The following SHISA7 variants were observed in gnomAD, a reference collection of about 807,000 sequenced individuals.
The protein encoded by SHISA7 is shisa family member 7, also known as protein shisa-7.
A neutral mutation model predicts 23.9 loss-of-function variants in SHISA7; 6 were observed. That is an observed-to-expected ratio of 0.25 (90% CI 0.14 to 0.50). SHISA7 has a LOEUF of 0.50. Among genes scored for constraint, SHISA7 ranks in the 20% least tolerant of loss-of-function variants. SHISA7 has a pLI of 0.98. For missense variants in SHISA7, 671 were observed against 801.1 expected, an observed-to-expected ratio of 0.84 and a Z score of 1.96; for synonymous variants, 386 against 398.3, an observed-to-expected ratio of 0.97 and a Z score of 0.37.
Position 55,433,331 on chromosome 19 carries a change from G to A in SHISA7, c.1442C>T (p.Ala481Val), listed in dbSNP as rs1985258270. ...PSSLHAHHHH[A>V]LHGSPQPAWM... Reference sequence around the variant, plus strand: ...GGCCGGCTGCGGCGAGCCGTGCAGGGCGTGGTGGTGGTGGGCGTGCAGGCT... The same window carrying A: ...GGCCGGCTGCGGCGAGCCGTGCAGGACGTGGTGGTGGTGGGCGTGCAGGCT... Residue 481 changes from alanine to valine, a missense_variant, in exon 4 of 4, where the codon GCC (alanine) becomes GTC (valine). Ala to Val is a moderately conservative substitution (Grantham distance 64). This residue lies in a region of SHISA7 where 457 missense variants were observed against 488.3 expected (regional missense o/e 0.94). Coordinates refer to ENST00000376325, the MANE Select transcript of SHISA7 (RefSeq NM_001145176.2). This position sits in a 1 kb window ranked among gnomAD's most constrained non-coding sequence, Gnocchi z 8.4. 1 of 1,437,078 alleles carries A rather than the reference G, an allele frequency of 7.0e-7. No individual in the cohort carries two copies. Among genetic ancestry groups the A allele is most frequent in the Non-Finnish European group, 9.0e-7 (1 of 1,106,080 alleles). The allele number at this position is 1,437,078 out of a possible 1,614,324, so 89.0% of individuals were successfully genotyped here.
intron 3 of SHISA7, among the ~76,000 whole-genome samples, chr19:55,434,841 G>GTGTGTGTGCGTGTGTGTATATGTGC (rs1985368769): frequency 9.6e-6 from 1 of 103,754 alleles, no homozygotes; most frequent in African/African-American, 4.1e-5. Context: ...GGTGTGTGGT[G>GTGTGTGTGCGTGTGTGTATATGTGC]TGTGTGTGCG....
intron 2 of SHISA7, among the ~76,000 whole-genome samples, chr19:55,438,941 T>C (rs1315429931): frequency 6.6e-6 from 1 of 152,050 alleles, no homozygotes; most frequent in African/African-American, 2.4e-5. Context: ...CTCCCACTCA[T>C]GTCCACTTGG....
At position 55,440,501 on chromosome 19, in the gene SHISA7, T is replaced by C. The variant is rs1049777760; in HGVS notation, c.826+110A>G. 4.5e-5 allele frequency: 47 copies of C among 1,042,414 alleles called. No homozygotes were observed. In the African/African-American group the frequency reaches 6.4e-4, roughly 14 times the overall value. The allele number at this position is 1,042,414 out of a possible 1,614,324, so 64.6% of individuals were successfully genotyped here. A position where few individuals can be genotyped will look rare whatever the true frequency, so the allele number is the denominator to read the frequency against. On this transcript the variant is annotated intron_variant, in intron 2 of 3. Transcript: ENST00000376325. ...GGCAGTGCAAGGCGGGCGTAGGGGG[T>C]GAGGGCGGGTCCTGGGCGATGGGGG...
At position 55,442,186 on chromosome 19, in the gene SHISA7, C is replaced by T; in HGVS notation, c.671+7G>A. 6.5e-7 allele frequency: 1 copy of T among 1,531,050 alleles called. No homozygotes were observed. The highest frequency in any genetic ancestry group is 1.4e-5 in the African/African-American group (1 of 72,610). The allele number at this position is 1,531,050 out of a possible 1,614,324, so 94.8% of individuals were successfully genotyped here. ...CTCGCAGTCCTCCCGCCCGAGAGCACACGCACCTGGGCACGTTGATATCCC... is the reference window on the plus strand; with the variant it reads ...CTCGCAGTCCTCCCGCCCGAGAGCATACGCACCTGGGCACGTTGATATCCC... On this transcript the variant is annotated splice_region_variant and intron_variant, in intron 1 of 3. Coordinates refer to ENST00000376325, the MANE Select transcript of SHISA7 (RefSeq NM_001145176.2).
chr19:55,437,667 G>A lies in SHISA7; in HGVS notation c.914C>T (p.Pro305Leu). 6.4e-7 allele frequency: 1 copy of A among 1,551,608 alleles called. No individual in the cohort carries two copies. The highest frequency in any genetic ancestry group is 1.2e-5 in the South Asian group (1 of 84,064). ...TTTCACGGCAGCCTCGTAGGACGGG[G>A]GCAGATGCGAGAGGTTGTGGAAGGA... is the stretch of plus-strand genomic sequence containing the variant. ...SRSFHNLSHL[P>L]PSYEAAVKSE... Residue 305 changes from proline to leucine, a missense_variant, in exon 3 of 4, where the codon CCC becomes CTC. Transcript: ENST00000376325.
In SHISA7 at chr19:55,433,710, G is replaced by A; in HGVS notation, c.1063C>T (p.Pro355Ser). The change falls in exon 4 of 4, where the codon CCG becomes TCG. Residue 355 changes from proline (P) to serine (S), a missense_variant. By Grantham distance (74) the Pro-to-Ser change is moderately conservative (BLOSUM62 -1). Transcript: ENST00000376325. This position sits in a 1 kb window ranked among gnomAD's most constrained non-coding sequence, Gnocchi z 8.4. Reference protein sequence around the residue: ...GTLPLHALRRPGTGGGYRMEA... With the variant: ...GTLPLHALRRSGTGGGYRMEA... The stretch of plus-strand genomic sequence containing the variant: ...ATGCGATAGCCGCCCCCCGTGCCCG[G>A]CCGCCGCAGCGCGTGCAGGGGCAGC... 6.8e-7 allele frequency: 1 copy of A among 1,477,652 alleles called. No individual in the cohort carries two copies. Among genetic ancestry groups the A allele is most frequent in the South Asian group, 1.3e-5 (1 of 77,952 alleles). 91.5% of individuals were successfully genotyped at this position (1,477,652 alleles called of 1,614,324 possible).
Position 55,440,594 on chromosome 19 carries a change from T to C in SHISA7, c.826+17A>G. ...GGCCAGAGACGGAGGCTGCGCCGGA[T>C]CCCACGTTCCACTCACCGAGGTTGG... On this transcript the variant is annotated intron_variant, in intron 2 of 3. Transcript: ENST00000376325. 1.6e-6 allele frequency: 2 copies of C among 1,249,498 alleles called. No homozygotes were observed. The highest frequency in any genetic ancestry group is 2.0e-6 in the Non-Finnish European group (2 of 988,116). The allele number at this position is 1,249,498 out of a possible 1,614,324, so 77.4% of individuals were successfully genotyped here.
chr19:55,437,526 C>A (rs775224870), intron 3 of SHISA7, 79 bp downstream of exon 3: 105 of 1,455,240 alleles, frequency 7.2e-5, no homozygotes, highest in Non-Finnish European at 8.7e-5. Flanking sequence ...GGCTCTTGGG[C>A]CACTGTCCAC....
In SHISA7 at chr19:55,440,592, G is replaced by C. The variant is rs1393175688; in HGVS notation, c.826+19C>G. ...GTGGCCAGAGACGGAGGCTGCGCCG[G>C]ATCCCACGTTCCACTCACCGAGGTT... On this transcript the variant is annotated intron_variant, in intron 2 of 3. Coordinates refer to ENST00000376325, the MANE Select transcript of SHISA7 (RefSeq NM_001145176.2). 3.2e-6 allele frequency: 4 copies of C among 1,249,478 alleles called. No homozygotes were observed. The highest frequency in any genetic ancestry group is 4.2e-5 in the Admixed American group (1 of 23,706). The allele number at this position is 1,249,478 out of a possible 1,614,324, so 77.4% of individuals were successfully genotyped here.
chr19:55,437,728 G>A lies in SHISA7; in HGVS notation c.853C>T (p.Pro285Ser), dbSNP rs1013033801. The A allele has an allele frequency of 6.4e-6, 10 of 1,550,856 alleles. No homozygotes were observed. Among genetic ancestry groups the A allele is most frequent in the Non-Finnish European group, 3.5e-6 (4 of 1,146,712 alleles). Residue 285 changes from proline (P) to serine (S), a missense_variant, in exon 3 of 4, where the codon CCC becomes TCC. Physicochemically the swap from Pro to Ser is moderately conservative, Grantham distance 74. Transcript: ENST00000376325. ...GACAGCGTGGAGTAGTGCAAGGAGG[G>A]GCTGGGCGGCGGCAAGGCTCGCCAG... Reference protein sequence around the residue: ...LDWRALPPPSPSLHYSTLSCS... With the variant: ...LDWRALPPPSSSLHYSTLSCS...
In SHISA7 at chr19:55,433,648, C is replaced by G; in HGVS notation, c.1125G>C (p.Ala375=). The change falls in exon 4 of 4, where the codon GCG becomes GCC. Residue 375 remains alanine, a synonymous_variant. Coordinates refer to ENST00000376325, the MANE Select transcript of SHISA7 (RefSeq NM_001145176.2). This position sits in a 1 kb window ranked among gnomAD's most constrained non-coding sequence, Gnocchi z 8.4. ...AWGGPEELGL[A]PAPNPRRVMS... Reference sequence around the variant, plus strand: ...TGACCCGCCGGGGGTTGGGCGCGGGCGCCAGGCCCAGCTCCTCTGGGCCGC... The same window carrying G: ...TGACCCGCCGGGGGTTGGGCGCGGGGGCCAGGCCCAGCTCCTCTGGGCCGC... 6.7e-7 allele frequency: 1 copy of G among 1,489,474 alleles called. No individual in the cohort carries two copies. Among genetic ancestry groups the G allele is most frequent in the Non-Finnish European group, 8.9e-7 (1 of 1,127,144 alleles). The allele number at this position is 1,489,474 out of a possible 1,614,324, so 92.3% of individuals were successfully genotyped here.
At position 55,433,386 on chromosome 19, in the gene SHISA7, T is replaced by C. The variant is rs1350554058; in HGVS notation, c.1387A>G (p.Thr463Ala). 2 of 1,332,942 alleles carry C rather than the reference T, an allele frequency of 1.5e-6. No individual in the cohort carries two copies. The highest frequency in any genetic ancestry group is 1.9e-6 in the Non-Finnish European group (2 of 1,050,812). The allele number at this position is 1,332,942 out of a possible 1,614,324, so 82.6% of individuals were successfully genotyped here. The stretch of plus-strand genomic sequence containing the variant: ...GGTGGCGGCAGCCCGCGCAGCGGTG[T>C]TGGGGGCCCCCCGGGCCCCAGCAGC... ...NLLLGPGGPPTPLRGLPPPSS... is the reference protein window; with the variant it reads ...NLLLGPGGPPAPLRGLPPPSS... Residue 463 changes from threonine (T) to alanine (A), a missense_variant, in exon 4 of 4, where the codon ACA (threonine) becomes GCA (alanine). Physicochemically the swap from Thr to Ala is moderately conservative, Grantham distance 58 (BLOSUM62 0). This residue lies in a region of SHISA7 where 457 missense variants were observed against 488.3 expected (regional missense o/e 0.94). Coordinates refer to ENST00000376325, the MANE Select transcript of SHISA7 (RefSeq NM_001145176.2). This position sits in a 1 kb window ranked among gnomAD's most constrained non-coding sequence, Gnocchi z 8.4.
chr19:55,440,767 T>C lies in SHISA7; in HGVS notation c.672-2A>G. 1 of 1,241,988 alleles carries C rather than the reference T, an allele frequency of 8.1e-7. No homozygotes were observed. The highest frequency in any genetic ancestry group is 1.0e-6 in the Non-Finnish European group (1 of 988,132). 76.9% of individuals were successfully genotyped at this position (1,241,988 alleles called of 1,614,324 possible). ...TGTCTCAGAATGTCCACCAGAGCTC[T>C]AAAGGTGGCAGAGAGGTGGTCAAAG... On this transcript the variant is annotated splice_acceptor_variant, in intron 1 of 3. Transcript: ENST00000376325. LOFTEE classifies it high-confidence loss of function.
Position 55,443,297 on chromosome 19 carries a change from C to T in SHISA7, c.-434G>A, listed in dbSNP as rs1156563856. On this transcript the variant is annotated 5_prime_UTR_variant, in exon 1 of 4. Transcript: ENST00000376325. ...GCGATGTAAGGAGAAGAAACGGGGGCGGCGAAGAGGAGAGGGCAGGGGAGG... is the reference window on the plus strand; with the variant it reads ...GCGATGTAAGGAGAAGAAACGGGGGTGGCGAAGAGGAGAGGGCAGGGGAGG... Among the ~76,000 whole-genome samples, 8 of 122,570 alleles carry T rather than the reference C, an allele frequency of 6.5e-5. No individual in the cohort carries two copies. Among genetic ancestry groups the T allele is most frequent in the African/African-American group, 9.2e-5 (3 of 32,626 alleles). 80.4% of individuals were successfully genotyped at this position (122,570 alleles called of 152,430 possible). A position where few individuals can be genotyped will look rare whatever the true frequency, so the allele number is the denominator to read the frequency against.
chr19:55,434,959 GGGT>G (rs1985383974), intron 3 of SHISA7, among the ~76,000 whole-genome samples: 2 of 102,878 alleles, frequency 1.9e-5, no homozygotes, highest in African/African-American at 7.6e-5. Context: ...TGTGGTGTGT[GGGT>G]GTGTGTGGTG....
chr19:55,439,648 C>T (rs1423220464), intron 2 of SHISA7, among the ~76,000 whole-genome samples: 6 of 152,338 alleles, frequency 3.9e-5, no homozygotes, highest in African/African-American at 1.4e-4. Flanking sequence ...TTCCCAGCCC[C>T]AGTAACTCCT....
intron 3 of SHISA7, among the ~76,000 whole-genome samples, chr19:55,436,192 C>T (rs937282868): frequency 6.6e-6 from 1 of 150,888 alleles, no homozygotes. Flanking sequence ...GAGACTGAGG[C>T]AGGAGAATCG....
At chr19:55,440,466 G>C (rs1985569925) in intron 2 of SHISA7, 145 bp downstream of exon 2, 1 of 758,228 alleles carries the variant, frequency 1.3e-6, no homozygotes, top group Admixed American at 4.3e-5. Flanking sequence ...CCTTTCGCAG[G>C]GCAGGACCCG....
chr19:55,442,167 G>A (rs1162721482), intron 1 of SHISA7, 26 bp downstream of exon 1: 7 of 1,521,602 alleles, frequency 4.6e-6, no homozygotes, highest in Non-Finnish European at 6.1e-6. Flanking sequence ...CAGGCTCGCA[G>A]TCCTCCCGCC....
Sources: allele counts gnomAD v4.1 joint callset (sites outside exome capture counted in the v4.1 genomes callset), GRCh38; gene constraint gnomAD v4.1.1; regional missense constraint gnomAD v4.1.1; non-coding constraint Gnocchi (gnomAD v3.1); transcripts MANE v1.5; gene names NCBI Gene and HGNC (gene_info 2026-07-23, HGNC 2026-07-21).